The following TANK variants were observed in gnomAD, a reference collection of about 807,000 sequenced individuals.
The protein encoded by TANK is TRAF family member-associated NF-kappa-B activator.
In TANK, 15 loss-of-function variants were observed where a neutral mutation model predicts 43.6. That is an observed-to-expected ratio of 0.34 (90% confidence interval 0.23 to 0.53). The LOEUF (loss-of-function observed/expected upper bound fraction) is 0.53, where lower values mean the gene tolerates loss of function less well. TANK is among the 20% of genes least tolerant of loss of function. The pLI is 0.94. For synonymous variants in TANK, 162 were observed against 178.2 expected (o/e 0.91, Z 0.73); for missense variants, 417 against 498.6 (o/e 0.84, Z 1.56).
At chr2:161,232,952 AC>A in intron 7 of TANK, 1 of 1,201,620 alleles carries the variant, frequency 8.3e-7, no homozygotes, top group Non-Finnish European at 1.1e-6. Context: ...TGTTTTGAAG[AC>A]CATGTTACAG....
chr2:161,232,685 G>A, intron 7 of TANK: 1 of 1,526,182 alleles, frequency 6.6e-7, no homozygotes, highest in Non-Finnish European at 8.8e-7. Flanking sequence ...CAGTTCTAAT[G>A]CTTGTTACTT....
At chr2:161,213,428 C>A (rs1346733889) in intron 4 of TANK, among the ~76,000 whole-genome samples, 1 of 151,896 alleles carries the variant, frequency 6.6e-6, no homozygotes, top group African/African-American at 2.4e-5. Context: ...CGTGATGAAA[C>A]CCTGTCTCTA....
At chr2:161,138,576 C>G (rs556003365) in intron 1 of TANK, among the ~76,000 whole-genome samples, 4 of 152,286 alleles carry the variant, frequency 2.6e-5, no homozygotes, top group Non-Finnish European at 5.9e-5. Flanking sequence ...CTTCCACATG[C>G]ATACAGGTGG....
intron 1 of TANK, chr2:161,161,196 A>G: frequency 6.7e-7 from 1 of 1,498,938 alleles, no homozygotes; most frequent in Non-Finnish European, 8.9e-7. Context: ...GAGGATAATC[A>G]AAGAAGAGCT....
chr2:161,154,747 C>CTTTTTT (rs775085021), intron 1 of TANK, among the ~76,000 whole-genome samples: 1 of 143,682 alleles, frequency 7.0e-6, no homozygotes, highest in Non-Finnish European at 1.5e-5. Context: ...TAAGCATACA[C>CTTTTTT]TTTTTTTTTT....
rs192407600 is a variant in TANK, at chr2:161,148,949, C to T, written c.-50+11886C>T. On this transcript the variant is annotated intron_variant, in intron 1 of 7. Coordinates refer to the TANK transcript ENST00000259075. Reference sequence around the variant, plus strand: ...CGTGAGTCTTCCAACTTTGTTTTTCCTTTGCAATATTCTTCTGGCTACACT... The same window carrying T: ...CGTGAGTCTTCCAACTTTGTTTTTCTTTTGCAATATTCTTCTGGCTACACT... Among the ~76,000 whole-genome samples, 87 of 152,054 alleles carry T rather than the reference C, an allele frequency of 5.7e-4. No homozygotes were observed. The East Asian group carries it at 0.015, about 26-fold the overall frequency.
intron 1 of TANK, among the ~76,000 whole-genome samples, chr2:161,152,023 C>T (rs1256986980): frequency 6.6e-6 from 1 of 152,030 alleles, no homozygotes; most frequent in Non-Finnish European, 1.5e-5. Context: ...TAACTTATAC[C>T]AACTTAGTTT....
chr2:161,185,440 G>A (rs1436453858), intron 2 of TANK, among the ~76,000 whole-genome samples: 1 of 151,810 alleles, frequency 6.6e-6, no homozygotes, highest in Non-Finnish European at 1.5e-5. Flanking sequence ...GCTTGACTGT[G>A]CAGAAGATAA....
At chr2:161,185,842 C>T (rs149873976) in intron 2 of TANK, among the ~76,000 whole-genome samples, 4,543 of 151,902 alleles carry the variant, frequency 0.03, 120 homozygotes, top group East Asian at 0.093. Flanking sequence ...TGCACATGTA[C>T]CCTAAAACTT....
intron 1 of TANK, among the ~76,000 whole-genome samples, chr2:161,176,136 G>A (rs1685164872): frequency 6.6e-6 from 1 of 152,172 alleles, no homozygotes; most frequent in Non-Finnish European, 1.5e-5. Context: ...TTTTCCTGGA[G>A]TCTGGCAAAT....
chr2:161,218,002 A>T (rs929092180), intron 4 of TANK, among the ~76,000 whole-genome samples: 3 of 152,174 alleles, frequency 2.0e-5, no homozygotes, highest in Non-Finnish European at 4.4e-5. Context: ...CAAATGCTTA[A>T]CTTCTATGCC....
chr2:161,202,389 C>G (rs957898961), intron 2 of TANK, among the ~76,000 whole-genome samples: 2 of 151,794 alleles, frequency 1.3e-5, no homozygotes. Context: ...TGGGGTTTCA[C>G]TGTGTTAACC....
intron 7 of TANK, among the ~76,000 whole-genome samples, chr2:161,234,684 A>G (rs528270464): frequency 3.3e-5 from 5 of 152,358 alleles, no homozygotes; most frequent in Admixed American, 6.5e-5. Flanking sequence ...CAAACTACCT[A>G]TTATATAACA....
At chr2:161,158,434 T>C (rs914846443), upstream of TANK, among the ~76,000 whole-genome samples, 14 of 152,374 alleles carry the variant, frequency 9.2e-5, no homozygotes, top group African/African-American at 3.4e-4. Context: ...AAAATAATTC[T>C]ACCAGCATTT....
At chr2:161,217,905 G>A (rs2105371814) in intron 4 of TANK, among the ~76,000 whole-genome samples, 1 of 152,218 alleles carries the variant, frequency 6.6e-6, no homozygotes, top group South Asian at 2.1e-4. Flanking sequence ...TTTATTAAAA[G>A]ATAGCTGGGG....
chr2:161,182,755 CA>C (rs1226701747), intron 2 of TANK, among the ~76,000 whole-genome samples: 3 of 152,100 alleles, frequency 2.0e-5, no homozygotes, highest in African/African-American at 7.2e-5. Flanking sequence ...TGTGATTGCA[CA>C]AAAAGGGTGT....
upstream of TANK, chr2:161,159,304 G>A (rs1684307729): frequency 6.6e-6 from 1 of 152,166 alleles, no homozygotes; most frequent in African/African-American, 2.4e-5. Flanking sequence ...TAATGGGGAA[G>A]GGCTATGCTT....
At chr2:161,219,615 T>G (rs1172048226) in intron 4 of TANK, 1 of 299,780 alleles carries the variant, frequency 3.3e-6, no homozygotes, top group Non-Finnish European at 6.7e-6. Context: ...TGTACTATTC[T>G]TTTATGTTTA....
intron 1 of TANK, among the ~76,000 whole-genome samples, chr2:161,169,306 G>A (rs1272550554): frequency 6.6e-6 from 1 of 152,136 alleles, no homozygotes; most frequent in Non-Finnish European, 1.5e-5. Context: ...GTGATAATAG[G>A]AAACAAAGCA....
Sources: allele counts gnomAD v4.1 joint callset (sites outside exome capture counted in the v4.1 genomes callset), GRCh38; gene constraint gnomAD v4.1.1; transcripts MANE v1.5; gene names NCBI Gene and HGNC (gene_info 2026-07-23, HGNC 2026-07-21).